UNC5D: variants seen among roughly 807,000 people sequenced by gnomAD.
The protein encoded by UNC5D is netrin receptor UNC5D.
In UNC5D, 39 loss-of-function variants were observed where a neutral mutation model predicts 105.4. That is an observed-to-expected ratio of 0.37 (90% CI 0.29 to 0.48). The LOEUF is 0.48. UNC5D is among the 20% of genes least tolerant of loss of function. UNC5D has a pLI of 0.98. For missense variants in UNC5D, 991 were observed against 1,202.4 expected (o/e 0.82, Z 2.60); for synonymous variants, 452 against 450.4 (o/e 1.00, Z -0.04).
At chr8:35,495,615 T>C (rs1467792157) in intron 1 of UNC5D, among the ~76,000 whole-genome samples, 3 of 152,210 alleles carry the variant, frequency 2.0e-5, no homozygotes, top group Admixed American at 6.5e-5. Context: ...GCCTGACTTA[T>C]AGGAAGGTGA....
chr8:35,583,009 G>A (rs533002751), intron 3 of UNC5D, among the ~76,000 whole-genome samples: 2 of 152,264 alleles, frequency 1.3e-5, no homozygotes, highest in East Asian at 3.9e-4. Context: ...ACTGCTTGTA[G>A]GAGTTGTAGA....
At chr8:35,323,507 A>G (rs1809913559) in intron 1 of UNC5D, among the ~76,000 whole-genome samples, 1 of 152,110 alleles carries the variant, frequency 6.6e-6, no homozygotes, top group Non-Finnish European at 1.5e-5. Flanking sequence ...GAGAATATAA[A>G]CTATGAAAAA....
chr8:35,596,419 G>A (rs941559587), intron 4 of UNC5D, among the ~76,000 whole-genome samples: 3 of 152,126 alleles, frequency 2.0e-5, no homozygotes, highest in Non-Finnish European at 4.4e-5. Context: ...GAAGTATAAG[G>A]CATGCTTAAT....
chr8:35,735,776 C>A (rs1829435888), intron 11 of UNC5D, among the ~76,000 whole-genome samples: 1 of 152,130 alleles, frequency 6.6e-6, no homozygotes, highest in African/African-American at 2.4e-5. Context: ...TTTTCTTCCC[C>A]AGTAGCAAAA....
chr8:35,421,758 T>TA (rs969896235), intron 1 of UNC5D, among the ~76,000 whole-genome samples: 1 of 152,160 alleles, frequency 6.6e-6, no homozygotes, highest in African/African-American at 2.4e-5. Flanking sequence ...ATAGGAATAG[T>TA]AAACCCAAAT....
intron 1 of UNC5D, among the ~76,000 whole-genome samples, chr8:35,371,305 A>T (rs995296263): frequency 7.2e-5 from 11 of 152,126 alleles, no homozygotes; most frequent in African/African-American, 2.7e-4. Flanking sequence ...CCTCTTAATC[A>T]TGATTATAAC....
chr8:35,560,366 G>T (rs1409762135), intron 2 of UNC5D, among the ~76,000 whole-genome samples: 1 of 152,212 alleles, frequency 6.6e-6, no homozygotes, highest in Middle Eastern at 3.4e-3. Flanking sequence ...TCTTAAAGCC[G>T]CATTCCTTGG....
chr8:35,271,330 C>A (rs1317153869), intron 1 of UNC5D, among the ~76,000 whole-genome samples: 4 of 107,066 alleles, frequency 3.7e-5, no homozygotes, highest in Middle Eastern at 7.7e-3. Flanking sequence ...TATGCATACA[C>A]ACGTGCATGT....
chr8:35,743,348 C>A (rs1356151431), intron 11 of UNC5D, among the ~76,000 whole-genome samples: 3 of 152,046 alleles, frequency 2.0e-5, no homozygotes, highest in Non-Finnish European at 4.4e-5. Flanking sequence ...CGGCTCACTG[C>A]AACATCCACC....
At position 35,793,427 on chromosome 8, in the gene UNC5D, G is replaced by A. The variant is rs951954772; in HGVS notation, c.*2864G>A. ...CTCATCTATCCAAGCACTTAATTTG[G>A]AAATTTTATTGTCCTATTGCAAAAT... is the stretch of plus-strand genomic sequence containing the variant. On this transcript the variant is annotated 3_prime_UTR_variant, in exon 17 of 17. Coordinates refer to ENST00000404895, the MANE Select transcript of UNC5D (RefSeq NM_080872.4). 1 of 162,916 alleles carries A rather than the reference G, an allele frequency of 6.1e-6. No individual in the cohort carries two copies. The highest frequency in any genetic ancestry group is 2.4e-5 in the African/African-American group (1 of 41,508). The allele number at this position is 162,916 out of a possible 1,614,324, so 10.1% of individuals were successfully genotyped here. A position where few individuals can be genotyped will look rare whatever the true frequency, so the allele number is the denominator to read the frequency against.
At chr8:35,272,255 G>A (rs879809639) in intron 1 of UNC5D, among the ~76,000 whole-genome samples, 5 of 152,152 alleles carry the variant, frequency 3.3e-5, no homozygotes, top group Non-Finnish European at 7.3e-5. Context: ...GCTGGAGAAT[G>A]TAATGATTTC....
chr8:35,568,368 C>T, intron 3 of UNC5D, 127 bp downstream of exon 3: 4 of 1,289,332 alleles, frequency 3.1e-6, no homozygotes, highest in African/African-American at 3.0e-5. Flanking sequence ...ATTTACTCTT[C>T]TAAAATGTTA....
intron 1 of UNC5D, among the ~76,000 whole-genome samples, chr8:35,397,077 T>C (rs1804153819): frequency 6.6e-6 from 1 of 151,652 alleles, no homozygotes; most frequent in Admixed American, 6.6e-5. Context: ...TGGCTAATTT[T>C]TGTATTTTTA....
chr8:35,408,815 A>T (rs1804973259), intron 1 of UNC5D, among the ~76,000 whole-genome samples: 1 of 152,060 alleles, frequency 6.6e-6, no homozygotes, highest in Non-Finnish European at 1.5e-5. Context: ...TAAGTATTTT[A>T]ATTTACAAAC....
At chr8:35,342,034 C>T (rs1811489963) in intron 1 of UNC5D, among the ~76,000 whole-genome samples, 1 of 152,024 alleles carries the variant, frequency 6.6e-6, no homozygotes, top group South Asian at 2.1e-4. Context: ...TCCTTGGTAA[C>T]AATCTTATAA....
intron 1 of UNC5D, among the ~76,000 whole-genome samples, chr8:35,360,766 A>G (rs1801811295): frequency 6.6e-6 from 1 of 152,160 alleles, no homozygotes. Flanking sequence ...GGCTATATCC[A>G]TATGAATGTA....
intron 4 of UNC5D, among the ~76,000 whole-genome samples, chr8:35,657,072 GTGTGTGTGTATATATATATATA>G (rs1823789724): frequency 1.0e-5 from 1 of 99,066 alleles, no homozygotes; most frequent in African/African-American, 4.8e-5. Context: ...GTGTGTGTGT[GTGTGTGTGTATATATATATATA>G]TATATATATA....
intron 1 of UNC5D, among the ~76,000 whole-genome samples, chr8:35,411,719 A>G (rs1805181666): frequency 6.6e-6 from 1 of 152,060 alleles, no homozygotes; most frequent in Non-Finnish European, 1.5e-5. Flanking sequence ...CTGACATTGC[A>G]TTATATGTAT....
At chr8:35,375,987 T>C (rs1219197438) in intron 1 of UNC5D, among the ~76,000 whole-genome samples, 1 of 152,206 alleles carries the variant, frequency 6.6e-6, no homozygotes, top group Non-Finnish European at 1.5e-5. Context: ...TTTCCAGACG[T>C]TGATTTGGTC....
Sources: gnomAD v4.1 joint callset for allele counts (sites outside exome capture counted in the v4.1 genomes callset) on GRCh38, gnomAD v4.1.1 for gene constraint, MANE v1.5 for transcripts, NCBI Gene and HGNC (gene_info 2026-07-23, HGNC 2026-07-21) for gene names.